Variants in ZNF813 observed in about 807,000 individuals in gnomAD.
ZNF813 encodes the protein zinc finger protein 813.
A neutral mutation model predicts 7.2 loss-of-function variants in ZNF813; 3 were observed. The ratio of observed to expected loss-of-function variants is 0.42; its 90% CI spans 0.19 to 1.08. The LOEUF is 1.08. ZNF813 is among the 50% of genes least tolerant of loss of function. The pLI is 0.30. For synonymous variants in ZNF813, 227 were observed against 256.3 expected, an observed-to-expected ratio of 0.89 and a Z score of 1.09; for missense variants, 714 against 753.3, an observed-to-expected ratio of 0.95 and a Z score of 0.61.
rs113301150 is a variant in ZNF813 at position 53,496,090 on chromosome 19, G to A, written c.*4004G>A. On this transcript the variant is annotated 3_prime_UTR_variant, in exon 4 of 4. Coordinates refer to ENST00000396403, the MANE Select transcript of ZNF813 (RefSeq NM_001004301.4). ...TTTATGCTGTGTGAGCATTACAATC[G>A]CGTTACCATATCAAGCTGAAAATGT... The A allele has an allele frequency of 0.018, 4,743 of 259,410 alleles. 401 individuals carry two copies. The highest frequency in any genetic ancestry group is 0.096 in the African/African-American group (4,313 of 44,750). The allele number at this position is 259,410 out of a possible 1,614,324, so 16.1% of individuals were successfully genotyped here. A position where few individuals can be genotyped will look rare whatever the true frequency, so the allele number is the denominator to read the frequency against.
rs1051099046 is a variant in ZNF813 at position 53,483,915 on chromosome 19, T to C, written c.15+78T>C. The C allele has an allele frequency of 3.7e-6, 6 of 1,611,650 alleles. No individual in the cohort carries two copies. In the African/African-American group the frequency reaches 4.0e-5, roughly 11 times the overall value. On this transcript the variant is annotated intron_variant, in intron 2 of 3. Coordinates refer to ENST00000396403, the MANE Select transcript of ZNF813 (RefSeq NM_001004301.4). Reference sequence around the variant, plus strand: ...GGGCCTTGGAGTTGGGAATCTTCTCTGAGTCTGAAGCATCCTGCCTGACAG... The same window carrying C: ...GGGCCTTGGAGTTGGGAATCTTCTCCGAGTCTGAAGCATCCTGCCTGACAG...
Position 53,491,460 on chromosome 19 carries a change from C to T in ZNF813, c.1228C>T (p.Pro410Ser). Residue 410 changes from proline to serine, a missense_variant, in exon 4 of 4, where the codon CCT becomes TCT. Transcript: ENST00000396403. ...TCGTAGACTTCATACCGGAGAGAAGCCTTACAAGTGTAATGAATGTGGCAA... is the reference window on the plus strand; with the variant it reads ...TCGTAGACTTCATACCGGAGAGAAGTCTTACAAGTGTAATGAATGTGGCAA... ...CHRRLHTGEK[P>S]YKCNECGKVF... 6.2e-7 allele frequency: 1 copy of T among 1,614,118 alleles called. No homozygotes were observed. Among genetic ancestry groups the T allele is most frequent in the Non-Finnish European group, 8.5e-7 (1 of 1,180,002 alleles).
intron 1 of ZNF813, chr19:53,479,506 G>A (rs938182595): frequency 2.8e-5 from 39 of 1,378,982 alleles, no homozygotes; most frequent in African/African-American, 4.3e-5. Context: ...CTCCGTGAAC[G>A]GTAGGATCCA....
chr19:53,481,502 C>A (rs2086408566), intron 1 of ZNF813, among the ~76,000 whole-genome samples: 1 of 151,902 alleles, frequency 6.6e-6, no homozygotes, highest in Non-Finnish European at 1.5e-5. Flanking sequence ...ACCCAGCCAC[C>A]ATGCCCAGCT....
rs776018153 is a variant in ZNF813, at chr19:53,491,633, C to A, written c.1401C>A (p.Tyr467Ter). 1 of 1,613,848 alleles carries A rather than the reference C, an allele frequency of 6.2e-7. No individual in the cohort carries two copies. The highest frequency in any genetic ancestry group is 8.5e-7 in the Non-Finnish European group (1 of 1,179,846). ...HKAIHIGEKR[Y>*]KCNECGKTFS... ...CTATTCATATTGGAGAGAAACGTTA[C>A]AAGTGTAATGAGTGTGGCAAGACGT... Residue 467 changes from tyrosine (Y) to a stop codon, truncating the protein, a stop_gained, in exon 4 of 4, where the codon TAC becomes TAA. Coordinates refer to ENST00000396403, the MANE Select transcript of ZNF813 (RefSeq NM_001004301.4). LOFTEE classifies it low-confidence loss of function (END_TRUNC).
chr19:53,491,307 G>A lies in ZNF813; in HGVS notation c.1075G>A (p.Glu359Lys). The A allele has an allele frequency of 6.2e-7, 1 of 1,614,170 alleles. No homozygotes were observed. The highest frequency in any genetic ancestry group is 8.5e-7 in the Non-Finnish European group (1 of 1,180,028). ...TGGAGAGAAACCTTTCAAGTGTAAT[G>A]AGTGTGGCAAGACCTTTAGTCGGAA... ...HTGEKPFKCN[E>K]CGKTFSRKSS... The change falls in exon 4 of 4, where the codon GAG becomes AAG. Residue 359 changes from glutamate (E) to lysine (K), a missense_variant. Glu to Lys is a moderately conservative substitution (Grantham distance 56, BLOSUM62 1). Around this residue, in one of 3 missense-constraint regions of ZNF813, gnomAD observed 563 missense variants for 554.2 expected, o/e 1.02. Transcript: ENST00000396403.
At chr19:53,470,273 T>C (rs546483943) in intron 1 of ZNF813, among the ~76,000 whole-genome samples, 54 of 152,406 alleles carry the variant, frequency 3.5e-4, no homozygotes, top group Non-Finnish European at 6.3e-4. Flanking sequence ...ATAACTGTTC[T>C]CTAAGTGAGC....
chr19:53,491,503 C>A lies in ZNF813; in HGVS notation c.1271C>A (p.Ala424Glu), dbSNP rs1167471284. 4 of 1,613,818 alleles carry A rather than the reference C, an allele frequency of 2.5e-6. No homozygotes were observed. Among genetic ancestry groups the A allele is most frequent in the Non-Finnish European group, 3.4e-6 (4 of 1,179,906 alleles). ...TGTGGCAAGGTTTTTAATAAAAAGGCAAACCTTGCACGTCATCATAGACTT... is the reference window on the plus strand; with the variant it reads ...TGTGGCAAGGTTTTTAATAAAAAGGAAAACCTTGCACGTCATCATAGACTT... ...NECGKVFNKK[A>E]NLARHHRLHS... The change falls in exon 4 of 4, where the codon GCA (alanine) becomes GAA (glutamate). Residue 424 changes from alanine (A) to glutamate (E), a missense_variant. Coordinates refer to ENST00000396403, the MANE Select transcript of ZNF813 (RefSeq NM_001004301.4).
intron 1 of ZNF813, among the ~76,000 whole-genome samples, chr19:53,468,021 T>C (rs951007750): frequency 6.6e-6 from 1 of 152,260 alleles, no homozygotes; most frequent in African/African-American, 2.4e-5. Context: ...ATACACTTTC[T>C]ATCGCGCATT....
Position 53,474,675 on chromosome 19 carries a change from C to T in ZNF813, c.-74+6886C>T, listed in dbSNP as rs148082079. Among the ~76,000 whole-genome samples, 57 of 150,884 alleles carry T rather than the reference C, an allele frequency of 3.8e-4. 2 individuals are homozygous for T. In the South Asian group the frequency reaches 0.01, roughly 28 times the overall value. On this transcript the variant is annotated intron_variant, in intron 1 of 3. Transcript: ENST00000396403. ...CTGCACTCCAGCCTGGGTGACAGAG[C>T]GAGACTCAATCTCAAAAAAAAAACC...
chr19:53,482,850 A>G (rs1424183630), intron 1 of ZNF813, among the ~76,000 whole-genome samples: 2 of 148,878 alleles, frequency 1.3e-5, no homozygotes, highest in African/African-American at 2.5e-5. Context: ...TCAGCCTCCC[A>G]AGTAGCTGAG....
At position 53,469,667 on chromosome 19, in the gene ZNF813, G is replaced by T. The variant is rs558804964; in HGVS notation, c.-74+1878G>T. Among the ~76,000 whole-genome samples, 64 of 151,856 alleles carry T rather than the reference G, an allele frequency of 4.2e-4. No individual in the cohort carries two copies. The East Asian group carries it at 4.3e-3, about 10-fold the overall frequency. The stretch of plus-strand genomic sequence containing the variant: ...AGGGAGAGGGGCAGCAAAGAGGGAG[G>T]CTCATCAGGGTGAGGGAGAGGAGGA... On this transcript the variant is annotated intron_variant, in intron 1 of 3. Coordinates refer to ENST00000396403, the MANE Select transcript of ZNF813 (RefSeq NM_001004301.4).
intron 1 of ZNF813, among the ~76,000 whole-genome samples, chr19:53,480,875 C>T (rs569328180): frequency 1.5e-4 from 23 of 152,140 alleles, no homozygotes; most frequent in Middle Eastern, 3.4e-3. Context: ...CGAACTCTGG[C>T]GGAGTCAAAG....
At chr19:53,486,790 G>A (rs73597388) in intron 3 of ZNF813, 32 bp downstream of exon 3, 181,343 of 1,598,884 alleles carry the variant, frequency 0.11, 4,907 homozygotes, top group Middle Eastern at 0.19. Context: ...AAGTGGGGAT[G>A]TGCCCTTGTG....
intron 1 of ZNF813, among the ~76,000 whole-genome samples, chr19:53,477,742 T>G (rs1252245429): frequency 1.3e-5 from 2 of 152,046 alleles, no homozygotes; most frequent in East Asian, 1.9e-4. Context: ...GATCACTTGA[T>G]CCCAGGAGGT....
chr19:53,478,733 G>A (rs375505661), intron 1 of ZNF813, among the ~76,000 whole-genome samples: 1 of 152,248 alleles, frequency 6.6e-6, no homozygotes, highest in Non-Finnish European at 1.5e-5. Flanking sequence ...AGCCGAAATT[G>A]TGCCAGTGCA....
chr19:53,469,098 C>T (rs112120262), intron 1 of ZNF813, among the ~76,000 whole-genome samples: 10,814 of 152,216 alleles, frequency 0.071, 399 homozygotes, highest in Middle Eastern at 0.11. Flanking sequence ...AGCATACTGC[C>T]TGCAAACATA....
intron 3 of ZNF813, among the ~76,000 whole-genome samples, chr19:53,488,654 C>G (rs561231718): frequency 6.7e-6 from 1 of 148,676 alleles, no homozygotes; most frequent in Admixed American, 6.7e-5. Context: ...GATCTGACCT[C>G]GTGATCCTCC....
chr19:53,486,213 T>G (rs2086433063), intron 2 of ZNF813, among the ~76,000 whole-genome samples: 1 of 152,182 alleles, frequency 6.6e-6, no homozygotes, highest in Non-Finnish European at 1.5e-5. Context: ...ATTCCAGCAC[T>G]TTGAGAGGCT....
Sources: gnomAD v4.1 joint callset for allele counts (sites outside exome capture counted in the v4.1 genomes callset) on GRCh38, gnomAD v4.1.1 for gene constraint, gnomAD v4.1.1 regional missense constraint, MANE v1.5 for transcripts, NCBI Gene and HGNC (gene_info 2026-07-23, HGNC 2026-07-21) for gene names.